Variants in OR4N5 observed in about 807,000 individuals in gnomAD.
The protein encoded by OR4N5 is olfactory receptor 4N5.
For synonymous variants in OR4N5, 155 were observed against 140.6 expected (o/e 1.10, Z -0.72); for missense variants, 428 against 370.0 (o/e 1.16, Z -1.29).
rs1213014430 is a variant in OR4N5, at chr14:20,143,909, C to G, written c.174C>G (p.Pro58=). The G allele has an allele frequency of 6.2e-7, 1 of 1,613,932 alleles. No homozygotes were observed. The highest frequency in any genetic ancestry group is 2.2e-5 in the East Asian group (1 of 44,884). ...AGTCAGACCCTGGGCTCACAGCCCC[C>G]CTCTATTTCTTTCTGGGCAACTTGG... The part of the protein sequence containing the change: ...TIKSDPGLTA[P]LYFFLGNLAL... The change falls in exon 3 of 3, where the codon CCC becomes CCG. Residue 58 remains proline (P), a synonymous_variant. Coordinates refer to ENST00000641086, the MANE Select transcript of OR4N5 (RefSeq NM_001004724.2).
rs1275672976 is a variant in OR4N5, at chr14:20,145,379, A to G, written c.*717A>G. 6.6e-6 allele frequency: 1 copy of G among 152,190 alleles called. No homozygotes were observed. Among genetic ancestry groups the G allele is most frequent in the East Asian group, 1.9e-4 (1 of 5,200 alleles). 9.4% of individuals were successfully genotyped at this position (152,190 alleles called of 1,614,324 possible). On this transcript the variant is annotated 3_prime_UTR_variant, in exon 3 of 3. Coordinates refer to ENST00000641086, the MANE Select transcript of OR4N5 (RefSeq NM_001004724.2). ...TTTGACTTAAGGGAAGATCCTCAAGATTCTGATTACAGAACTATGAGTAGT... is the reference window on the plus strand; with the variant it reads ...TTTGACTTAAGGGAAGATCCTCAAGGTTCTGATTACAGAACTATGAGTAGT...
chr14:20,144,285 G>T lies in OR4N5; in HGVS notation c.550G>T (p.Val184Phe). 1.2e-6 allele frequency: 2 copies of T among 1,614,034 alleles called. No homozygotes were observed. The highest frequency in any genetic ancestry group is 1.7e-6 in the Non-Finnish European group (2 of 1,180,000). The part of the protein sequence containing the change: ...LDNFFCDVPQ[V>F]IKLACTNTFV... The stretch of plus-strand genomic sequence containing the variant: ...TAACTTCTTCTGTGATGTTCCACAG[G>T]TCATCAAGCTGGCCTGCACCAATAC... The change falls in exon 3 of 3, where the codon GTC becomes TTC. Residue 184 changes from valine to phenylalanine, a missense_variant. By Grantham distance (50) the Val-to-Phe change is conservative (BLOSUM62 -1). Coordinates refer to ENST00000641086, the MANE Select transcript of OR4N5 (RefSeq NM_001004724.2).
Position 20,144,343 on chromosome 14 carries a change from G to C in OR4N5, c.608G>C (p.Ser203Thr). Residue 203 changes from serine to threonine, a missense_variant, in exon 3 of 3, where the codon AGT becomes ACT. By Grantham distance (58) the Ser-to-Thr change is moderately conservative. Transcript: ENST00000641086. ...GTGGAGCTTCTGATGGTCTCCAACAGTGGCCTGCTCAGCCTCCTGTGCTTC... is the reference window on the plus strand; with the variant it reads ...GTGGAGCTTCTGATGGTCTCCAACACTGGCCTGCTCAGCCTCCTGTGCTTC... ...FVVELLMVSN[S>T]GLLSLLCFLG... The C allele has an allele frequency of 6.2e-7, 1 of 1,613,990 alleles. No homozygotes were observed. Among genetic ancestry groups the C allele is most frequent in the South Asian group, 1.1e-5 (1 of 91,076 alleles).
rs1878683700 is a variant in OR4N5 at position 20,144,227 on chromosome 14, G to A, written c.492G>A (p.Leu164=). ...CCATTGTACAAGTAGCCCTTATCCT[G>A]CACTTGCCTTTCTGTGGCCCAAACC... is the stretch of plus-strand genomic sequence containing the variant. ...IHSIVQVALI[L]HLPFCGPNQL... The change falls in exon 3 of 3, where the codon CTG becomes CTA. Residue 164 remains leucine, a synonymous_variant. Coordinates refer to ENST00000641086, the MANE Select transcript of OR4N5 (RefSeq NM_001004724.2). 3.7e-6 allele frequency: 6 copies of A among 1,614,060 alleles called. No individual in the cohort carries two copies. Among genetic ancestry groups the A allele is most frequent in the Non-Finnish European group, 5.1e-6 (6 of 1,179,988 alleles).
At chr14:20,140,435 G>T (rs532205950) in intron 1 of OR4N5, among the ~76,000 whole-genome samples, 1 of 152,140 alleles carries the variant, frequency 6.6e-6, no homozygotes, top group Non-Finnish European at 1.5e-5. Context: ...AATGGGGAAG[G>T]ATGGGAAATA....
rs777088086 is a variant in OR4N5 at position 20,144,356 on chromosome 14, C to A, written c.621C>A (p.Ser207Arg). The A allele has an allele frequency of 5.0e-6, 8 of 1,614,018 alleles. No homozygotes were observed. In the South Asian group the frequency reaches 8.8e-5, roughly 18 times the overall value. The change falls in exon 3 of 3, where the codon AGC becomes AGA. Residue 207 changes from serine (S) to arginine (R), a missense_variant. Transcript: ENST00000641086. ...TGGTCTCCAACAGTGGCCTGCTCAG[C>A]CTCCTGTGCTTCCTGGGCCTTCTGG... ...LLMVSNSGLL[S>R]LLCFLGLLAS...
At chr14:20,140,434 G>A (rs1234401335) in intron 1 of OR4N5, among the ~76,000 whole-genome samples, 1 of 152,148 alleles carries the variant, frequency 6.6e-6, no homozygotes, top group Non-Finnish European at 1.5e-5. Context: ...GAATGGGGAA[G>A]GATGGGAAAT....
chr14:20,143,799 G>C lies in OR4N5; in HGVS notation c.64G>C (p.Asp22His). 1 of 1,614,014 alleles carries C rather than the reference G, an allele frequency of 6.2e-7. No individual in the cohort carries two copies. The highest frequency in any genetic ancestry group is 8.5e-7 in the Non-Finnish European group (1 of 1,179,902). ...FILLGLTQSQ[D>H]AQLLVFVLVL... The stretch of plus-strand genomic sequence containing the variant: ...TCTTCTTGGTCTGACCCAGTCTCAA[G>C]ATGCTCAACTTCTGGTCTTTGTGCT... Residue 22 changes from aspartate (D) to histidine (H), a missense_variant, in exon 3 of 3, where the codon GAT becomes CAT. By Grantham distance (81) the Asp-to-His change is moderately conservative (BLOSUM62 -1). Transcript: ENST00000641086.
chr14:20,141,749 A>C (rs963793031), intron 2 of OR4N5, among the ~76,000 whole-genome samples: 17 of 152,178 alleles, frequency 1.1e-4, no homozygotes, highest in Non-Finnish European at 2.2e-4. Flanking sequence ...TTCAAAAAAA[A>C]AGTTATATTG....
In OR4N5 at chr14:20,144,409, T is replaced by C. The variant is rs1237209395; in HGVS notation, c.674T>C (p.Ile225Thr). The C allele has an allele frequency of 1.9e-6, 3 of 1,614,044 alleles. No homozygotes were observed. Among genetic ancestry groups the C allele is most frequent in the Non-Finnish European group, 2.5e-6 (3 of 1,179,954 alleles). Residue 225 changes from isoleucine to threonine, a missense_variant, in exon 3 of 3, where the codon ATA (isoleucine) becomes ACA (threonine). By Grantham distance (89) the Ile-to-Thr change is moderately conservative (BLOSUM62 -1). Transcript: ENST00000641086. ...LASYAVILCR[I>T]REHSSEGKSK... ...TCCTATGCAGTCATCCTCTGTCGTA[T>C]AAGGGAGCACTCCTCTGAAGGAAAG...
At chr14:20,138,931 G>C (rs1217589925) in intron 1 of OR4N5, 41 bp downstream of exon 1, 1 of 135,158 alleles carries the variant, frequency 7.4e-6, no homozygotes, top group African/African-American at 2.8e-5. Flanking sequence ...ATTAAATAGA[G>C]AAAAAGAAAA....
chr14:20,144,078 C>T lies in OR4N5; in HGVS notation c.343C>T (p.Leu115Phe). The T allele has an allele frequency of 6.2e-7, 1 of 1,614,116 alleles. No individual in the cohort carries two copies. Among genetic ancestry groups the T allele is most frequent in the Non-Finnish European group, 8.5e-7 (1 of 1,179,994 alleles). ...TCTTGGAGCGGGAGAGATGTTCCTC[C>T]TCGTTGTGATGGCCTTTGACCGCTA... The part of the protein sequence containing the change: ...HFLGAGEMFL[L>F]VVMAFDRYIA... The change falls in exon 3 of 3, where the codon CTC (leucine) becomes TTC (phenylalanine). Residue 115 changes from leucine to phenylalanine, a missense_variant. Coordinates refer to ENST00000641086, the MANE Select transcript of OR4N5 (RefSeq NM_001004724.2).
Position 20,143,907 on chromosome 14 carries a change from C to A in OR4N5, c.172C>A (p.Pro58Thr). Residue 58 changes from proline (P) to threonine (T), a missense_variant, in exon 3 of 3, where the codon CCC becomes ACC. Physicochemically the swap from Pro to Thr is conservative, Grantham distance 38. Coordinates refer to ENST00000641086, the MANE Select transcript of OR4N5 (RefSeq NM_001004724.2). ...AAAGTCAGACCCTGGGCTCACAGCC[C>A]CCCTCTATTTCTTTCTGGGCAACTT... The part of the protein sequence containing the change: ...TIKSDPGLTA[P>T]LYFFLGNLAL... The A allele has an allele frequency of 6.2e-7, 1 of 1,613,944 alleles. No individual in the cohort carries two copies. The highest frequency in any genetic ancestry group is 8.5e-7 in the Non-Finnish European group (1 of 1,179,944).
At chr14:20,141,639 T>C (rs1043258864) in intron 2 of OR4N5, among the ~76,000 whole-genome samples, 1 of 152,108 alleles carries the variant, frequency 6.6e-6, no homozygotes, top group Non-Finnish European at 1.5e-5. Context: ...CTTCTCTCTT[T>C]CTAGTTCCTT....
chr14:20,143,371 A>G (rs1219042868), intron 2 of OR4N5, among the ~76,000 whole-genome samples: 2 of 152,340 alleles, frequency 1.3e-5, no homozygotes, highest in African/African-American at 2.4e-5. Context: ...GACCACCACT[A>G]ACAGCAACAA....
In OR4N5 at chr14:20,143,842, T is replaced by C; in HGVS notation, c.107T>C (p.Leu36Pro). 6.2e-7 allele frequency: 1 copy of C among 1,614,020 alleles called. No homozygotes were observed. The highest frequency in any genetic ancestry group is 8.5e-7 in the Non-Finnish European group (1 of 1,179,940). The change falls in exon 3 of 3, where the codon CTT becomes CCT. Residue 36 changes from leucine (L) to proline (P), a missense_variant. By Grantham distance (98) the Leu-to-Pro change is moderately conservative. Transcript: ENST00000641086. ...TTTGTGCTAGTCTTAATTTTCTACC[T>C]TATCATCCTCCCTGGAAATTTCCTC... ...LVFVLVLIFY[L>P]IILPGNFLII... is the part of the protein sequence containing the mutation.
At chr14:20,142,081 T>G (rs1291901520) in intron 2 of OR4N5, among the ~76,000 whole-genome samples, 1 of 152,150 alleles carries the variant, frequency 6.6e-6, no homozygotes, top group African/African-American at 2.4e-5. Context: ...TATAAAACAT[T>G]TTATAATAAT....
At position 20,145,113 on chromosome 14, in the gene OR4N5, G is replaced by C. The variant is rs578013217; in HGVS notation, c.*451G>C. 11 of 158,254 alleles carry C rather than the reference G, an allele frequency of 7.0e-5. No homozygotes were observed. The highest frequency in any genetic ancestry group is 6.8e-4 in the Admixed American group (11 of 16,244). 9.8% of individuals were successfully genotyped at this position (158,254 alleles called of 1,614,324 possible). On this transcript the variant is annotated 3_prime_UTR_variant, in exon 3 of 3. Coordinates refer to ENST00000641086, the MANE Select transcript of OR4N5 (RefSeq NM_001004724.2). ...GGGGACAGAAATTCTAGGCAAAAAG[G>C]CTGACTAGTACAAGAATCCAAAGAT...
Position 20,144,854 on chromosome 14 carries a change from G to A in OR4N5, c.*192G>A, listed in dbSNP as rs1379904113. On this transcript the variant is annotated 3_prime_UTR_variant, in exon 3 of 3. Coordinates refer to ENST00000641086, the MANE Select transcript of OR4N5 (RefSeq NM_001004724.2). ...CCAGGTCTCCTAGATTTATATTCAA[G>A]GGGATAAATACAGGTTATTAGATTT... 8 of 568,700 alleles carry A rather than the reference G, an allele frequency of 1.4e-5. No individual in the cohort carries two copies. The highest frequency in any genetic ancestry group is 2.5e-5 in the Non-Finnish European group (8 of 322,096). 35.2% of individuals were successfully genotyped at this position (568,700 alleles called of 1,614,324 possible).
Sources: gnomAD v4.1 joint callset for allele counts (sites outside exome capture counted in the v4.1 genomes callset) on GRCh38, gnomAD v4.1.1 for gene constraint, MANE v1.5 for transcripts, NCBI Gene and HGNC (gene_info 2026-07-23, HGNC 2026-07-21) for gene names.